The following PHF19 variants were observed in gnomAD, a reference collection of about 807,000 sequenced individuals.
PHF19 encodes PHD finger protein 19.
PHF19 carries 21 observed loss-of-function variants against 79.8 expected under a neutral mutation model. The ratio of observed to expected loss-of-function variants is 0.26; its 90% CI spans 0.19 to 0.38. The LOEUF is 0.38. PHF19 is among the 10% of genes least tolerant of loss of function. The pLI is 1.00. For synonymous variants in PHF19, 273 were observed against 296.3 expected, an observed-to-expected ratio of 0.92 and a Z score of 0.81; for missense variants, 445 against 744.2, an observed-to-expected ratio of 0.60 and a Z score of 4.68.
intron 3 of PHF19, among the ~76,000 whole-genome samples, chr9:120,873,288 T>C (rs1335446884): frequency 6.6e-6 from 1 of 152,192 alleles, no homozygotes; most frequent in African/African-American, 2.4e-5. Flanking sequence ...GTGTTGTCAA[T>C]GGCTACTGAT....
chr9:120,897,634 A>AT (rs2046412787), upstream of PHF19, among the ~76,000 whole-genome samples: 1 of 152,172 alleles, frequency 6.6e-6, no homozygotes, highest in African/African-American at 2.4e-5. Context: ...TAACCTATCA[A>AT]ATTTTTTTTT....
chr9:120,875,151 G>C (rs900481864), intron 1 of PHF19, among the ~76,000 whole-genome samples: 1 of 152,158 alleles, frequency 6.6e-6, no homozygotes, highest in Non-Finnish European at 1.5e-5. Flanking sequence ...TCTTCTCCAG[G>C]CAAGCAGTTG....
At chr9:120,890,961 T>C (rs2046334855) in intron 1 of PHF19, among the ~76,000 whole-genome samples, 1 of 152,176 alleles carries the variant, frequency 6.6e-6, no homozygotes, top group Non-Finnish European at 1.5e-5. Flanking sequence ...CCCCACCCTT[T>C]AACCCAGGTG....
At chr9:120,890,862 G>A (rs904691898) in intron 1 of PHF19, among the ~76,000 whole-genome samples, 1 of 152,100 alleles carries the variant, frequency 6.6e-6, no homozygotes, top group Non-Finnish European at 1.5e-5. Context: ...CTAACTTCAT[G>A]GTCAAGTTCA....
At chr9:120,881,745 C>A (rs2046188703), upstream of PHF19, among the ~76,000 whole-genome samples, 1 of 152,044 alleles carries the variant, frequency 6.6e-6, no homozygotes, top group Admixed American at 6.6e-5. Context: ...ATGCATGGGA[C>A]TGATCACCCT....
At chr9:120,884,360 C>T (rs1006963626) in intron 1 of PHF19, among the ~76,000 whole-genome samples, 2 of 152,052 alleles carry the variant, frequency 1.3e-5, no homozygotes, top group African/African-American at 4.8e-5. Flanking sequence ...TGAGTCGATC[C>T]GCGTGAGGTG....
intron 1 of PHF19, among the ~76,000 whole-genome samples, chr9:120,889,458 TG>T (rs2046311473): frequency 7.0e-6 from 1 of 143,804 alleles, no homozygotes; most frequent in African/African-American, 2.6e-5. Context: ...CAAGGTAGCC[TG>T]GGCGCAGTGA....
intron 12 of PHF19, among the ~76,000 whole-genome samples, chr9:120,861,683 A>G (rs1314571001): frequency 2.0e-5 from 3 of 152,104 alleles, no homozygotes; most frequent in Non-Finnish European, 4.4e-5. Context: ...CTACCTGGAC[A>G]GTGGGGACAA....
At chr9:120,890,517 T>A (rs2046328276) in intron 1 of PHF19, among the ~76,000 whole-genome samples, 1 of 152,162 alleles carries the variant, frequency 6.6e-6, no homozygotes, top group South Asian at 2.1e-4. Context: ...ATTAGCTCTC[T>A]GGGCAGGAGG....
rs147873852 is a variant in PHF19 at position 120,891,189 on chromosome 9, G to T, written c.42+3599C>A. On this transcript the variant is annotated intron_variant, in intron 1 of 14. Transcript: ENST00000616568. The surrounding 1 kb of genome is among the most constrained non-coding windows in gnomAD (Gnocchi z 4.3). The stretch of plus-strand genomic sequence containing the variant: ...CATGCCCCAGAGCGCCTGGGTTTCT[G>T]CTCATCACAGTTAGTGTAAGGATCC... Among the ~76,000 whole-genome samples the T allele has an allele frequency of 2.6e-5, 4 of 152,234 alleles. No individual in the cohort carries two copies. Among genetic ancestry groups the T allele is most frequent in the Non-Finnish European group, 5.9e-5 (4 of 68,022 alleles).
intron 1 of PHF19, among the ~76,000 whole-genome samples, chr9:120,883,782 T>C (rs10760119): frequency 0.54 from 73,461 of 136,754 alleles, 19,706 homozygotes; most frequent in Middle Eastern, 0.7. Flanking sequence ...AAAAAAAAAA[T>C]AGAAGCTCCT....
intron 9 of PHF19, among the ~76,000 whole-genome samples, chr9:120,865,489 G>A (rs576839599): frequency 2.0e-5 from 3 of 152,308 alleles, no homozygotes; most frequent in Admixed American, 6.5e-5. Context: ...ACTTGATCTA[G>A]GGCCTCAGCT....
At chr9:120,873,353 A>G (rs1234946644) in intron 3 of PHF19, among the ~76,000 whole-genome samples, 3 of 152,208 alleles carry the variant, frequency 2.0e-5, no homozygotes, top group African/African-American at 7.2e-5. Flanking sequence ...CTGACTTGCC[A>G]TCTCTGCAAG....
upstream of PHF19, among the ~76,000 whole-genome samples, chr9:120,881,382 C>A (rs138317854): frequency 2.0e-5 from 3 of 152,048 alleles, no homozygotes; most frequent in Admixed American, 6.6e-5. Context: ...CTCCTGACCT[C>A]GTGATCCGCC....
chr9:120,900,984 G>A, the PHF19 span, among the ~76,000 whole-genome samples: 2 of 152,240 alleles, frequency 1.3e-5, no homozygotes, highest in Non-Finnish European at 2.9e-5. Flanking sequence ...CACCCGTGAG[G>A]TGGCCTCTGT....
chr9:120,887,218 G>A (rs187183930), intron 1 of PHF19, among the ~76,000 whole-genome samples: 195 of 152,138 alleles, frequency 1.3e-3, no homozygotes, highest in Middle Eastern at 3.4e-3. Flanking sequence ...TCTTTGGGAG[G>A]CCAAGGTGGG....
upstream of PHF19, among the ~76,000 whole-genome samples, chr9:120,895,945 G>A (rs746578772): frequency 5.3e-5 from 8 of 152,150 alleles, no homozygotes; most frequent in Non-Finnish European, 8.8e-5. Context: ...GAGCCACTGC[G>A]CCTGGCCAAA....
upstream of PHF19, among the ~76,000 whole-genome samples, chr9:120,878,525 C>T (rs2046127545): frequency 6.6e-6 from 1 of 152,234 alleles, no homozygotes; most frequent in Admixed American, 6.5e-5. Context: ...CACCTTCCCC[C>T]AGAGCCTTCC....
At chr9:120,863,983 T>A (rs2045618037) in intron 10 of PHF19, 66 bp downstream of exon 10, 1 of 1,290,196 alleles carries the variant, frequency 7.8e-7, no homozygotes, top group African/African-American at 1.5e-5. Context: ...GAGCAAAGGC[T>A]ATGAGGTAGG....
Sources: gnomAD v4.1 joint callset for allele counts (sites outside exome capture counted in the v4.1 genomes callset) on GRCh38, gnomAD v4.1.1 for gene constraint, Gnocchi (gnomAD v3.1) non-coding constraint, MANE v1.5 for transcripts, NCBI Gene and HGNC (gene_info 2026-07-23, HGNC 2026-07-21) for gene names.